Variants in CALN1 observed in about 807,000 individuals in gnomAD.
CALN1 encodes calneuron 1.
In CALN1, 17 loss-of-function variants were observed where a neutral mutation model predicts 30.6. The ratio of observed to expected loss-of-function variants is 0.56; its 90% CI spans 0.38 to 0.83. The LOEUF is 0.83. Among genes scored for constraint, CALN1 ranks in the 40% least tolerant of loss-of-function variants. The pLI, the probability that CALN1 is intolerant of heterozygous loss-of-function variation, is 0.00. For missense variants in CALN1, 291 were observed against 354.9 expected, an observed-to-expected ratio of 0.82 and a Z score of 1.45; for synonymous variants, 156 against 131.4, an observed-to-expected ratio of 1.19 and a Z score of -1.28.
chr7:72,347,662 G>A (rs767799685), intron 2 of CALN1, among the ~76,000 whole-genome samples: 22 of 152,074 alleles, frequency 1.4e-4, no homozygotes, highest in Non-Finnish European at 2.8e-4. Flanking sequence ...GTTAACAAAC[G>A]TAATAAAAGC....
intron 3 of CALN1, among the ~76,000 whole-genome samples, 160 bp from the exon 4 acceptor site, chr7:72,106,454 GA>G (rs1807118930): frequency 6.9e-6 from 1 of 144,430 alleles, no homozygotes; most frequent in African/African-American, 2.6e-5. Context: ...AAGAACAGAA[GA>G]AAAGAAACGA....
the CALN1 span, among the ~76,000 whole-genome samples, chr7:72,468,977 T>C: frequency 4.3e-4 from 65 of 152,350 alleles, 2 homozygotes; most frequent in South Asian, 0.013. Flanking sequence ...AGATATATGA[T>C]TTGCAATTCT....
At chr7:72,460,498 G>A in the CALN1 span, among the ~76,000 whole-genome samples, 1 of 152,036 alleles carries the variant, frequency 6.6e-6, no homozygotes, top group African/African-American at 2.4e-5. Context: ...CGGGCGTGGT[G>A]GCAGGTGCCT....
intron 1 of CALN1, among the ~76,000 whole-genome samples, chr7:72,441,435 T>A (rs986961591): frequency 6.6e-6 from 1 of 151,704 alleles, no homozygotes; most frequent in East Asian, 1.9e-4. Flanking sequence ...CCGTCTCTAC[T>A]AAAAATATAA....
intron 5 of CALN1, among the ~76,000 whole-genome samples, chr7:72,005,239 G>T (rs1268590347): frequency 6.6e-6 from 1 of 152,180 alleles, no homozygotes; most frequent in African/African-American, 2.4e-5. Flanking sequence ...AGACAGCCTA[G>T]GTGTCCATCA....
intron 6 of CALN1, among the ~76,000 whole-genome samples, chr7:71,803,567 C>T (rs184219270): frequency 1.1e-4 from 17 of 152,186 alleles, no homozygotes; most frequent in African/African-American, 2.6e-4. Context: ...CTCTGCCTCC[C>T]GGGTTCAAGT....
rs201504004 is a variant in CALN1, at chr7:72,311,384, T to TG, written c.120-32575dup. ...CAATAGGCTATTAGTAGTTAAGTTT[T>TG]GGGGGGAGTCAAAAGTTATGTGAAT... On this transcript the variant is annotated intron_variant, in intron 2 of 6. Coordinates refer to ENST00000395275, the MANE Select transcript of CALN1 (RefSeq NM_031468.4). Among the ~76,000 whole-genome samples, 153 of 152,286 alleles carry TG rather than the reference T, an allele frequency of 1.0e-3. 1 individual carries two copies. The East Asian group carries it at 0.018, about 18-fold the overall frequency.
intron 3 of CALN1, among the ~76,000 whole-genome samples, chr7:72,261,444 A>G (rs1796267959): frequency 6.6e-6 from 1 of 150,526 alleles, no homozygotes; most frequent in South Asian, 2.1e-4. Context: ...TTTTTCTTAG[A>G]GTATCACTCT....
chr7:72,255,945 G>A (rs1795881982), intron 3 of CALN1, among the ~76,000 whole-genome samples: 1 of 151,936 alleles, frequency 6.6e-6, no homozygotes, highest in Non-Finnish European at 1.5e-5. Flanking sequence ...GGTCAGGCTG[G>A]TCTCAAACTC....
intron 3 of CALN1, among the ~76,000 whole-genome samples, chr7:72,143,688 T>G (rs1020265151): frequency 6.6e-6 from 1 of 151,820 alleles, no homozygotes; most frequent in Non-Finnish European, 1.5e-5. Flanking sequence ...TTCACCAAAG[T>G]TGAAATGAAG....
At chr7:71,936,031 G>A (rs1197262891) in intron 5 of CALN1, among the ~76,000 whole-genome samples, 1 of 152,138 alleles carries the variant, frequency 6.6e-6, no homozygotes, top group Non-Finnish European at 1.5e-5. Context: ...CATTTGGGAT[G>A]TTCTTAAAAT....
intron 1 of CALN1, among the ~76,000 whole-genome samples, chr7:72,438,563 C>T (rs751147227): frequency 1.3e-5 from 2 of 152,114 alleles, no homozygotes; most frequent in East Asian, 1.9e-4. Flanking sequence ...GAGAATAGAC[C>T]GTCTTAAAAT....
intron 4 of CALN1, among the ~76,000 whole-genome samples, chr7:72,064,139 G>A (rs1803857431): frequency 6.6e-6 from 1 of 151,900 alleles, no homozygotes; most frequent in South Asian, 2.1e-4. Flanking sequence ...AAAATTAGCT[G>A]GTCATGGTGG....
chr7:72,339,009 C>T (rs771245751), intron 2 of CALN1, among the ~76,000 whole-genome samples: 15 of 140,822 alleles, frequency 1.1e-4, no homozygotes, highest in African/African-American at 3.9e-4. Context: ...GGTAGATTCT[C>T]TATGTCCATG....
chr7:71,884,344 G>A (rs933264206), intron 5 of CALN1, among the ~76,000 whole-genome samples: 8 of 152,252 alleles, frequency 5.3e-5, no homozygotes, highest in Admixed American at 1.3e-4. Context: ...CAGAATCTTG[G>A]GGGGTGTAAG....
At chr7:72,165,136 T>C (rs1371510291) in intron 3 of CALN1, among the ~76,000 whole-genome samples, 4 of 152,200 alleles carry the variant, frequency 2.6e-5, no homozygotes, top group Admixed American at 2.6e-4. Context: ...TACCAAGATA[T>C]AAGATTAAAG....
At chr7:71,977,233 C>A (rs568006292) in intron 5 of CALN1, among the ~76,000 whole-genome samples, 1 of 152,174 alleles carries the variant, frequency 6.6e-6, no homozygotes, top group Admixed American at 6.5e-5. Flanking sequence ...GAGTCTGAAA[C>A]CAGCCTCGGC....
In CALN1 at chr7:72,403,313, GTCCCCCTTTTTCTCATTCTCGGGC is replaced by G; in HGVS notation, c.33_56del (p.Lys11_Asp19delinsAsn). On this transcript the variant is annotated inframe_deletion, in exon 2 of 7. Transcript: ENST00000395275. ...CCTCTCCCCCTCCGAGGGCTCCTCC[GTCCCCCTTTTTCTCATTCTCGGGC>G]TTCCCCTCTCCGGGTTGCTCTGGCA... 1 of 1,549,864 alleles carries G rather than the reference GTCCCCCTTTTTCTCATTCTCGGGC, an allele frequency of 6.5e-7. No homozygotes were observed. The highest frequency in any genetic ancestry group is 8.7e-7 in the Non-Finnish European group (1 of 1,146,958).
At chr7:71,936,710 C>G (rs1270902036) in intron 5 of CALN1, among the ~76,000 whole-genome samples, 1 of 152,140 alleles carries the variant, frequency 6.6e-6, no homozygotes, top group African/African-American at 2.4e-5. Context: ...TCCCCACTTC[C>G]AAACTCCATT....
Sources: gnomAD v4.1 joint callset for allele counts (sites outside exome capture counted in the v4.1 genomes callset) on GRCh38, gnomAD v4.1.1 for gene constraint, MANE v1.5 for transcripts, NCBI Gene and HGNC (gene_info 2026-07-23, HGNC 2026-07-21) for gene names.